DLGAP5: variants seen among roughly 807,000 people sequenced by gnomAD.
DLGAP5 encodes the protein DLG associated protein 5.
DLGAP5 carries 90 observed loss-of-function variants against 99.6 expected under a neutral mutation model. The ratio of observed to expected loss-of-function variants is 0.90; its 90% confidence interval spans 0.76 to 1.08. The LOEUF (loss-of-function observed/expected upper bound fraction) is 1.08, where lower values mean the gene tolerates loss of function less well. Ranked by LOEUF, DLGAP5 falls within the 50% of genes least tolerant of loss-of-function variation. The pLI is 0.00. For synonymous variants in DLGAP5, 311 were observed against 321.3 expected, an observed-to-expected ratio of 0.97 and a Z score of 0.34; for missense variants, 1,036 against 983.5, an observed-to-expected ratio of 1.05 and a Z score of -0.71.
chr14:55,170,661 A>G, intron 11 of DLGAP5, 41 bp downstream of exon 11: 4 of 1,508,530 alleles, frequency 2.7e-6, no homozygotes, highest in Non-Finnish European at 3.7e-6. Flanking sequence ...TAACCATAGT[A>G]AAAGAAACAA....
Position 55,181,316 on chromosome 14 carries a change from G to C in DLGAP5, c.496-19C>G, listed in dbSNP as rs757444525. On this transcript the variant is annotated intron_variant, in intron 4 of 18. Transcript: ENST00000247191. The stretch of plus-strand genomic sequence containing the variant: ...TATCAATCTATTTAAGAGATTAGGT[G>C]CTATGTGATTTAATTGCATAATGAA... The C allele has an allele frequency of 1.3e-6, 2 of 1,598,062 alleles. No individual in the cohort carries two copies. Among genetic ancestry groups the C allele is most frequent in the Non-Finnish European group, 8.6e-7 (1 of 1,167,534 alleles).
chr14:55,164,535 G>A (rs188466805), intron 12 of DLGAP5, among the ~76,000 whole-genome samples: 34 of 152,136 alleles, frequency 2.2e-4, no homozygotes, highest in Admixed American at 1.6e-3. Flanking sequence ...TACTAAAACC[G>A]TAAGACTGTT....
At chr14:55,157,280 T>C (rs1268632636) in intron 14 of DLGAP5, among the ~76,000 whole-genome samples, 2 of 152,238 alleles carry the variant, frequency 1.3e-5, no homozygotes, top group African/African-American at 4.8e-5. Flanking sequence ...ATGATGAGCT[T>C]ATAGCTGTAA....
At chr14:55,167,522 G>A (rs1256989869) in intron 12 of DLGAP5, among the ~76,000 whole-genome samples, 1 of 152,096 alleles carries the variant, frequency 6.6e-6, no homozygotes, top group Non-Finnish European at 1.5e-5. Flanking sequence ...TAATTGTTTT[G>A]CTTTTTGTTT....
At chr14:55,158,392 C>A in intron 14 of DLGAP5, 130 bp downstream of exon 14, 1 of 730,630 alleles carries the variant, frequency 1.4e-6, no homozygotes, top group South Asian at 2.0e-5. Flanking sequence ...TTCTAAAAAT[C>A]ACAGAAAAAC....
chr14:55,164,414 A>C (rs943829462), intron 12 of DLGAP5, among the ~76,000 whole-genome samples: 12 of 152,222 alleles, frequency 7.9e-5, no homozygotes, highest in Non-Finnish European at 1.3e-4. Context: ...AGTCTTTTCA[A>C]CAAACAGTGC....
At chr14:55,163,624 T>C (rs2140312373) in intron 12 of DLGAP5, among the ~76,000 whole-genome samples, 1 of 152,312 alleles carries the variant, frequency 6.6e-6, no homozygotes, top group Middle Eastern at 3.4e-3. Flanking sequence ...GGATATAACA[T>C]TTTGCATTCC....
intron 6 of DLGAP5, among the ~76,000 whole-genome samples, chr14:55,179,915 A>T (rs536484166): frequency 6.6e-6 from 1 of 152,308 alleles, no homozygotes; most frequent in East Asian, 1.9e-4. Context: ...TCTGAATACC[A>T]AATACAGATT....
intron 10 of DLGAP5, 77 bp downstream of exon 10, chr14:55,175,269 G>T: frequency 7.2e-7 from 1 of 1,393,718 alleles, no homozygotes; most frequent in Non-Finnish European, 9.8e-7. Flanking sequence ...CTATATTAAG[G>T]TTAAAAATTT....
chr14:55,175,579 A>G (rs1440022612), intron 9 of DLGAP5, 107 bp from the exon 10 acceptor site: 1 of 775,942 alleles, frequency 1.3e-6, no homozygotes, highest in Non-Finnish European at 2.0e-6. Context: ...TAATTTTAAA[A>G]TTTTATTTCT....
intron 14 of DLGAP5, among the ~76,000 whole-genome samples, chr14:55,156,729 A>C (rs1288916912): frequency 6.6e-6 from 1 of 152,236 alleles, no homozygotes; most frequent in Non-Finnish European, 1.5e-5. Flanking sequence ...CAACTAGATG[A>C]AAGTACCCTG....
chr14:55,182,625 A>G (rs190925407), intron 3 of DLGAP5, among the ~76,000 whole-genome samples, 193 bp from the exon 4 acceptor site: 89 of 152,318 alleles, frequency 5.8e-4, no homozygotes, highest in African/African-American at 1.9e-3. Flanking sequence ...AAAATTACTC[A>G]CATTTCTCAG....
intron 18 of DLGAP5, chr14:55,148,713 A>G: frequency 1.5e-6 from 1 of 660,192 alleles, no homozygotes; most frequent in South Asian, 1.7e-5. Flanking sequence ...AGAAACACGT[A>G]AACATTTTCC....
At position 55,189,033 on chromosome 14, in the gene DLGAP5, A is replaced by T; in HGVS notation, c.147T>A (p.Asp49Glu). 1 of 1,613,990 alleles carries T rather than the reference A, an allele frequency of 6.2e-7. No individual in the cohort carries two copies. The highest frequency in any genetic ancestry group is 8.5e-7 in the Non-Finnish European group (1 of 1,179,980). ...TACCTTCCAAGGTTGGAATGTTTAC[A>T]TCTTTCAAACCAAAGTGTCTATTTC... ...YERNRHFGLK[D>E]VNIPTLEGRI... The change falls in exon 2 of 19, where the codon GAT becomes GAA. Residue 49 changes from aspartate (D) to glutamate (E), a missense_variant. Physicochemically the swap from Asp to Glu is conservative, Grantham distance 45. Transcript: ENST00000247191.
chr14:55,184,998 T>C (rs146508004), intron 2 of DLGAP5, among the ~76,000 whole-genome samples: 1 of 152,346 alleles, frequency 6.6e-6, no homozygotes, highest in East Asian at 1.9e-4. Context: ...ACTCTATTTC[T>C]TCTCACCTAC....
chr14:55,155,884 C>T (rs955445921), intron 14 of DLGAP5, among the ~76,000 whole-genome samples: 5 of 151,166 alleles, frequency 3.3e-5, no homozygotes, highest in Non-Finnish European at 3.0e-5. Flanking sequence ...GCCAGAAGAT[C>T]GAGACCATCC....
In DLGAP5 at chr14:55,170,726, G is replaced by C; in HGVS notation, c.1363C>G (p.Leu455Val). 1 of 1,613,530 alleles carries C rather than the reference G, an allele frequency of 6.2e-7. No homozygotes were observed. The highest frequency in any genetic ancestry group is 8.5e-7 in the Non-Finnish European group (1 of 1,179,648). ...CCATCATCTGGAATGTCCAATTCAA[G>C]TTTCCTGTCCCACTCGAAGCAATGT... ...TSHCFEWDRKLELDIPDDAKD... is the reference protein window; with the variant it reads ...TSHCFEWDRKVELDIPDDAKD... The change falls in exon 11 of 19, where the codon CTT (leucine) becomes GTT (valine). Residue 455 changes from leucine to valine, a missense_variant. Physicochemically the swap from Leu to Val is conservative, Grantham distance 32 (BLOSUM62 1). Transcript: ENST00000247191.
rs78740533 is a variant in DLGAP5, at chr14:55,148,538, A to G, written c.2419-65T>C. ...AAGAGTTTCACCAATTAATTCTTCA[A>G]CATTCTATAGTGGATTAATTAATAA... On this transcript the variant is annotated intron_variant, in intron 18 of 18. Coordinates refer to ENST00000247191, the MANE Select transcript of DLGAP5 (RefSeq NM_014750.5). 4.9e-3 allele frequency: 7,859 copies of G among 1,611,772 alleles called. 321 individuals are homozygous for G. In the African/African-American group the frequency reaches 0.091, roughly 19 times the overall value.
chr14:55,157,156 C>T (rs1882240497), intron 14 of DLGAP5, among the ~76,000 whole-genome samples: 1 of 152,178 alleles, frequency 6.6e-6, no homozygotes, highest in African/African-American at 2.4e-5. Flanking sequence ...TTGTAATTAG[C>T]CTCATATCAA....
Sources: gnomAD v4.1 joint callset for allele counts (sites outside exome capture counted in the v4.1 genomes callset) on GRCh38, gnomAD v4.1.1 for gene constraint, MANE v1.5 for transcripts, NCBI Gene and HGNC (gene_info 2026-07-23, HGNC 2026-07-21) for gene names.